CAMTA1: variants seen among roughly 807,000 people sequenced by gnomAD.
The protein encoded by CAMTA1 is calmodulin binding transcription activator 1, also known as calmodulin-binding transcription activator 1.
Under a neutral mutation model 170.9 loss-of-function variants are expected in CAMTA1, and 27 were observed. The ratio of observed to expected loss-of-function variants is 0.16; its 90% confidence interval spans 0.12 to 0.22. The LOEUF (loss-of-function observed/expected upper bound fraction) is 0.22. Among genes scored for constraint, CAMTA1 ranks in the 10% least tolerant of loss-of-function variants. The pLI, the probability that CAMTA1 is intolerant of heterozygous loss-of-function variation, is 1.00. For missense variants in CAMTA1, 1,619 were observed against 2,217.2 expected, an observed-to-expected ratio of 0.73 and a Z score of 5.42; for synonymous variants, 833 against 891.5, an observed-to-expected ratio of 0.93 and a Z score of 1.17.
At position 7,418,396 on chromosome 1, in the gene CAMTA1, G is replaced by A. The variant is rs148521729; in HGVS notation, c.439-49434G>A. ...GTATTTTTAGTAGAGACAGGATTTC[G>A]CCATGTTGCCCAGGCTTGTCTTGAA... On this transcript the variant is annotated intron_variant, in intron 5 of 22. Coordinates refer to ENST00000303635, the MANE Select transcript of CAMTA1 (RefSeq NM_015215.4). Among the ~76,000 whole-genome samples, 1,465 of 152,146 alleles carry A rather than the reference G, an allele frequency of 9.6e-3. 24 individuals are homozygous for A. Among genetic ancestry groups the A allele is most frequent in the African/African-American group, 0.032 (1,316 of 41,484 alleles).
Position 7,570,755 on chromosome 1 carries a change from C to T in CAMTA1, c.511-69645C>T, listed in dbSNP as rs550024965. Among the ~76,000 whole-genome samples the T allele has an allele frequency of 1.4e-4, 21 of 152,292 alleles. No individual in the cohort carries two copies. Among genetic ancestry groups the T allele is most frequent in the African/African-American group, 4.6e-4 (19 of 41,568 alleles). On this transcript the variant is annotated intron_variant, in intron 6 of 22. Coordinates refer to ENST00000303635, the MANE Select transcript of CAMTA1 (RefSeq NM_015215.4). The surrounding 1 kb of genome is among the most constrained non-coding windows in gnomAD (Gnocchi z 4.3). ...CAGGTGGGTTTGAAGGGCCTCACCT[C>T]TGCTCTCCATCACCCCCCACCGCAG...
chr1:7,489,908 T>C lies in CAMTA1; in HGVS notation c.510+22007T>C, dbSNP rs117767829. Among the ~76,000 whole-genome samples, 425 of 152,320 alleles carry C rather than the reference T, an allele frequency of 2.8e-3. 14 individuals are homozygous for C. In the East Asian group the frequency reaches 0.06, roughly 21 times the overall value. ...ACGGGGTGACTGGCTACTGGCATCA[T>C]CAGCTTGCTTCTGGCTGCTCAGCAG... On this transcript the variant is annotated intron_variant, in intron 6 of 22. Transcript: ENST00000303635.
In CAMTA1 at chr1:7,395,031, C is replaced by T. The variant is rs867981880; in HGVS notation, c.439-72799C>T. On this transcript the variant is annotated intron_variant, in intron 5 of 22. Transcript: ENST00000303635. ...CCAAGTAGCCAGGACTACAGGTGTCCGCCACCACGCCTGGTTAACTTTTGT... is the reference window on the plus strand; with the variant it reads ...CCAAGTAGCCAGGACTACAGGTGTCTGCCACCACGCCTGGTTAACTTTTGT... Among the ~76,000 whole-genome samples, 9 of 152,052 alleles carry T rather than the reference C, an allele frequency of 5.9e-5. No individual in the cohort carries two copies. In the Middle Eastern group the frequency reaches 0.01, roughly 172 times the overall value.
At chr1:6,904,315 GTC>G (rs1262928241) in intron 3 of CAMTA1, among the ~76,000 whole-genome samples, 1 of 152,168 alleles carries the variant, frequency 6.6e-6, no homozygotes, top group Non-Finnish European at 1.5e-5. Flanking sequence ...AAGGAGACCT[GTC>G]TCTCCCTCAG....
chr1:7,123,063 C>T (rs1644738696), intron 4 of CAMTA1, among the ~76,000 whole-genome samples: 1 of 152,166 alleles, frequency 6.6e-6, no homozygotes, highest in Admixed American at 6.5e-5. Context: ...GGGCTCCGGG[C>T]CATCTTGCCA....
At chr1:7,701,612 A>G (rs1322346320) in intron 11 of CAMTA1, among the ~76,000 whole-genome samples, 1 of 151,694 alleles carries the variant, frequency 6.6e-6, no homozygotes, top group African/African-American at 2.4e-5. Flanking sequence ...TAGAGAGGAG[A>G]TCTCACCATG....
chr1:6,960,438 C>T (rs1451837055), intron 3 of CAMTA1, among the ~76,000 whole-genome samples: 1 of 152,138 alleles, frequency 6.6e-6, no homozygotes, highest in Non-Finnish European at 1.5e-5. Flanking sequence ...ACTGCCCCTC[C>T]TCCCGGTGGC....
chr1:7,524,267 T>C (rs916046260), intron 6 of CAMTA1, among the ~76,000 whole-genome samples: 3 of 152,228 alleles, frequency 2.0e-5, no homozygotes, highest in African/African-American at 7.2e-5. Context: ...ATTGTGTTTG[T>C]GATTGTGGTG....
chr1:7,354,250 G>A lies in CAMTA1; in HGVS notation c.438+104624G>A, dbSNP rs576099939. 7.9e-5 allele frequency among the ~76,000 whole-genome samples: 12 copies of A among 150,984 alleles called. No homozygotes were observed. In the South Asian group the frequency reaches 1.9e-3, roughly 24 times the overall value. On this transcript the variant is annotated intron_variant, in intron 5 of 22. Transcript: ENST00000303635. Reference sequence around the variant, plus strand: ...TGCAAGCTCCACCTCCTGGGTTCACGCCATTCTCCTGCCTCAGCCTCCCAA... The same window carrying A: ...TGCAAGCTCCACCTCCTGGGTTCACACCATTCTCCTGCCTCAGCCTCCCAA...
At chr1:7,036,384 C>T (rs984318346) in intron 3 of CAMTA1, among the ~76,000 whole-genome samples, 3 of 152,124 alleles carry the variant, frequency 2.0e-5, no homozygotes, top group Admixed American at 6.5e-5. Flanking sequence ...TACTAGTTGG[C>T]GAGCCCACCA....
In CAMTA1 at chr1:7,455,311, T is replaced by A. The variant is rs144289268; in HGVS notation, c.439-12519T>A. On this transcript the variant is annotated intron_variant, in intron 5 of 22. Transcript: ENST00000303635. The surrounding 1 kb of genome is among the most constrained non-coding windows in gnomAD (Gnocchi z 5.0). The stretch of plus-strand genomic sequence containing the variant: ...TGCTGTCTGCTCTCTTTTGTAGAGA[T>A]GTTTTCGTGAACTTGAGAAAAAATC... Among the ~76,000 whole-genome samples the A allele has an allele frequency of 4.3e-4, 65 of 152,322 alleles. No individual in the cohort carries two copies. In the East Asian group the frequency reaches 9.3e-3, roughly 22 times the overall value.
At chr1:6,851,811 C>T (rs543102703) in intron 3 of CAMTA1, among the ~76,000 whole-genome samples, 25 of 151,972 alleles carry the variant, frequency 1.6e-4, no homozygotes, top group African/African-American at 4.3e-4. Flanking sequence ...GCCGGGAGTT[C>T]GAGACCAGCC....
chr1:7,701,395 T>C (rs1422802315), intron 11 of CAMTA1, among the ~76,000 whole-genome samples: 3 of 152,132 alleles, frequency 2.0e-5, no homozygotes, highest in African/African-American at 7.2e-5. Context: ...AGGGCTGATA[T>C]ATCAACTCCC....
At chr1:7,489,336 G>T (rs1429357472) in intron 6 of CAMTA1, among the ~76,000 whole-genome samples, 2 of 152,214 alleles carry the variant, frequency 1.3e-5, no homozygotes, top group East Asian at 1.9e-4. Context: ...ATCTTTCGAG[G>T]GTCTTTGCAG....
chr1:7,120,130 G>C (rs961540299), intron 4 of CAMTA1, among the ~76,000 whole-genome samples: 2 of 152,134 alleles, frequency 1.3e-5, no homozygotes, highest in African/African-American at 4.8e-5. Flanking sequence ...TGTCTAACTT[G>C]GTGTTAGTTA....
At chr1:7,618,349 A>G (rs2095574013) in intron 6 of CAMTA1, among the ~76,000 whole-genome samples, 1 of 152,222 alleles carries the variant, frequency 6.6e-6, no homozygotes, top group Non-Finnish European at 1.5e-5. Flanking sequence ...CCCACCCAGG[A>G]GAACCACTTT....
At chr1:6,810,729 C>T (rs1000379985) in intron 1 of CAMTA1, among the ~76,000 whole-genome samples, 3 of 151,934 alleles carry the variant, frequency 2.0e-5, no homozygotes, top group South Asian at 2.1e-4. Flanking sequence ...GGCATGAACC[C>T]GGAGGCGGAG....
At chr1:7,352,765 C>A (rs1176680480) in intron 5 of CAMTA1, among the ~76,000 whole-genome samples, 1 of 152,154 alleles carries the variant, frequency 6.6e-6, no homozygotes, top group Non-Finnish European at 1.5e-5. Context: ...GGGTGGAGAC[C>A]TTTCCAAGTA....
chr1:7,693,482 T>C (rs933397887), intron 11 of CAMTA1: 1 of 152,260 alleles, frequency 6.6e-6, no homozygotes, highest in African/African-American at 2.4e-5. Flanking sequence ...ACCACCTTTA[T>C]TGCTGCACCA....
Sources: allele counts gnomAD v4.1 joint callset (sites outside exome capture counted in the v4.1 genomes callset), GRCh38; gene constraint gnomAD v4.1.1; non-coding constraint Gnocchi (gnomAD v3.1); transcripts MANE v1.5; gene names NCBI Gene and HGNC (gene_info 2026-07-23, HGNC 2026-07-21).